PCDHGA3: variants seen among roughly 807,000 people sequenced by gnomAD.
PCDHGA3 encodes protocadherin gamma-A3.
In PCDHGA3, 40 loss-of-function variants were observed where a neutral mutation model predicts 58.5. That is an observed-to-expected ratio of 0.68 (90% CI 0.53 to 0.89). PCDHGA3 has a LOEUF of 0.89. PCDHGA3 is among the 40% of genes least tolerant of loss of function. The pLI, the probability that PCDHGA3 is intolerant of heterozygous loss-of-function variation, is 0.00. For synonymous variants in PCDHGA3, 530 were observed against 525.7 expected (o/e 1.01, Z -0.11); for missense variants, 1,223 against 1,195.9 (o/e 1.02, Z -0.33).
intron 1 of PCDHGA3, chr5:141,387,572 T>C (rs369703788): frequency 1.9e-4 from 92 of 480,688 alleles, no homozygotes; most frequent in Non-Finnish European, 2.3e-4. Flanking sequence ...CAATTATAAT[T>C]ATTGCACTGG....
At position 141,431,258 on chromosome 5, in the gene PCDHGA3, C is replaced by G. The variant is rs754250241; in HGVS notation, c.2425-63549C>G. 6.2e-6 allele frequency: 10 copies of G among 1,614,186 alleles called. No individual in the cohort carries two copies. The highest frequency in any genetic ancestry group is 1.6e-4 in the Middle Eastern group (1 of 6,062). ...GGATCCGGATATCGGGAAGAACTCT[C>G]TGCAGAGCTACGAGCTCAGCCCGAA... On this transcript the variant is annotated intron_variant, in intron 1 of 3. Transcript: ENST00000253812. This position sits in a 1 kb window ranked among gnomAD's most constrained non-coding sequence, Gnocchi z 4.8.
chr5:141,388,637 T>G (rs993746447), intron 1 of PCDHGA3: 1 of 1,613,762 alleles, frequency 6.2e-7, no homozygotes, highest in Non-Finnish European at 8.5e-7. Context: ...GGGTGAGCCT[T>G]TCAGAAAACG....
At chr5:141,357,358 C>G in intron 1 of PCDHGA3, 1 of 1,614,172 alleles carries the variant, frequency 6.2e-7, no homozygotes, top group Non-Finnish European at 8.5e-7. Flanking sequence ...GAGACGCTGG[C>G]ACAAGTCACG....
chr5:141,414,648 T>G (rs2095770464), intron 1 of PCDHGA3: 2 of 1,613,844 alleles, frequency 1.2e-6, no homozygotes, highest in Non-Finnish European at 1.7e-6. Context: ...ATGCCCAGAT[T>G]ATTTACTCCC....
At chr5:141,413,202 G>T (rs768256888) in intron 1 of PCDHGA3, 19 of 1,612,062 alleles carry the variant, frequency 1.2e-5, no homozygotes, top group Non-Finnish European at 1.6e-5. Flanking sequence ...ATCGCTCAAA[G>T]GAATCAAAGG....
chr5:141,398,051 C>T, intron 1 of PCDHGA3: 1 of 1,512,220 alleles, frequency 6.6e-7, no homozygotes, highest in Non-Finnish European at 8.9e-7. Flanking sequence ...GTTCGGAGAT[C>T]CAAAAATCTA....
intron 1 of PCDHGA3, chr5:141,352,714 G>T (rs776520585): frequency 6.5e-7 from 1 of 1,540,668 alleles, no homozygotes; most frequent in Admixed American, 2.0e-5. Flanking sequence ...TGGCGGCCGG[G>T]CGCGGTGGCT....
intron 1 of PCDHGA3, among the ~76,000 whole-genome samples, chr5:141,459,324 T>G (rs2098966238): frequency 6.6e-6 from 1 of 152,226 alleles, no homozygotes; most frequent in African/African-American, 2.4e-5. Flanking sequence ...ATCCATCTTC[T>G]TTTACTCCAA....
In PCDHGA3 at chr5:141,345,383, C is replaced by A. The variant is rs763946038; in HGVS notation, c.1350C>A (p.Pro450=). The A allele has an allele frequency of 4.3e-6, 7 of 1,614,114 alleles. No homozygotes were observed. Among genetic ancestry groups the A allele is most frequent in the Non-Finnish European group, 5.1e-6 (6 of 1,180,034 alleles). The change falls in exon 1 of 4, where the codon CCC becomes CCA. Residue 450 remains proline, a synonymous_variant. Coordinates refer to ENST00000253812, the MANE Select transcript of PCDHGA3 (RefSeq NM_018916.4). ...TGATTGACATCAATGACAACCCACC[C>A]ACCTTCCCTCATTTATCCTACTCCG... ...LHVIDINDNP[P]TFPHLSYSAY... is the part of the protein sequence containing the mutation.
chr5:141,393,259 G>C (rs1561641378), intron 1 of PCDHGA3: 1 of 1,613,874 alleles, frequency 6.2e-7, no homozygotes, highest in Admixed American at 1.7e-5. Flanking sequence ...GCGGTTCCTG[G>C]AGCACGTTAT....
intron 1 of PCDHGA3, among the ~76,000 whole-genome samples, chr5:141,445,711 G>A (rs978623618): frequency 1.3e-5 from 2 of 152,202 alleles, no homozygotes; most frequent in African/African-American, 4.8e-5. Context: ...TTGTCAGGCA[G>A]AGGAAATAGC....
chr5:141,410,455 T>G (rs2095396076), intron 1 of PCDHGA3: 3 of 1,613,914 alleles, frequency 1.9e-6, no homozygotes, highest in African/African-American at 2.7e-5. Flanking sequence ...TGCCTTATTC[T>G]TATAATCTGT....
intron 1 of PCDHGA3, among the ~76,000 whole-genome samples, chr5:141,439,190 C>CAAA (rs200519543): frequency 1.8e-5 from 2 of 111,760 alleles, no homozygotes; most frequent in African/African-American, 6.3e-5. Context: ...GAGACTCTGA[C>CAAA]AAAAAAAAAA....
chr5:141,491,980 C>A lies in PCDHGA3; in HGVS notation c.2425-2827C>A. On this transcript the variant is annotated intron_variant, in intron 1 of 3. Coordinates refer to ENST00000253812, the MANE Select transcript of PCDHGA3 (RefSeq NM_018916.4). This position sits in a 1 kb window ranked among gnomAD's most constrained non-coding sequence, Gnocchi z 6.9. ...AAAAAAGGCCGGGGCCTCCTTCGAGCTTCCGGTGAATTTCGGGCGATTTCC... is the reference window on the plus strand; with the variant it reads ...AAAAAAGGCCGGGGCCTCCTTCGAGATTCCGGTGAATTTCGGGCGATTTCC... 1.3e-6 allele frequency: 1 copy of A among 784,426 alleles called. No homozygotes were observed. Among genetic ancestry groups the A allele is most frequent in the Non-Finnish European group, 1.9e-6 (1 of 530,582 alleles). The allele number at this position is 784,426 out of a possible 1,614,324, so 48.6% of individuals were successfully genotyped here.
chr5:141,420,826 C>G (rs1246534925), intron 1 of PCDHGA3, among the ~76,000 whole-genome samples: 1 of 152,216 alleles, frequency 6.6e-6, no homozygotes, highest in Non-Finnish European at 1.5e-5. Flanking sequence ...AATAATTACT[C>G]CTTTCGCAGG....
At chr5:141,410,041 G>A (rs763879404) in intron 1 of PCDHGA3, 2 of 1,613,228 alleles carry the variant, frequency 1.2e-6, no homozygotes, top group East Asian at 2.2e-5. Flanking sequence ...AGGCCAGTGA[G>A]CCCGGACTCT....
chr5:141,476,912 G>A lies in PCDHGA3; in HGVS notation c.2425-17895G>A, dbSNP rs1196222770. 1.9e-6 allele frequency: 3 copies of A among 1,614,098 alleles called. No homozygotes were observed. Among genetic ancestry groups the A allele is most frequent in the Non-Finnish European group, 2.5e-6 (3 of 1,180,048 alleles). On this transcript the variant is annotated intron_variant, in intron 1 of 3. Coordinates refer to ENST00000253812, the MANE Select transcript of PCDHGA3 (RefSeq NM_018916.4). The surrounding 1 kb of genome is among the most constrained non-coding windows in gnomAD (Gnocchi z 7.6). Reference sequence around the variant, plus strand: ...ACCCTCCGGCACGCGCGTGGTACAAGTCCTTGCAACGGATCTGGATGAAGG... The same window carrying A: ...ACCCTCCGGCACGCGCGTGGTACAAATCCTTGCAACGGATCTGGATGAAGG...
In PCDHGA3 at chr5:141,487,844, A is replaced by T; in HGVS notation, c.2425-6963A>T. The T allele has an allele frequency of 1.9e-6, 2 of 1,043,194 alleles. No individual in the cohort carries two copies. The highest frequency in any genetic ancestry group is 2.7e-6 in the Non-Finnish European group (2 of 730,908). The allele number at this position is 1,043,194 out of a possible 1,614,324, so 64.6% of individuals were successfully genotyped here. ...CGGGTCATGCCTATATCTGAGTAAG[A>T]AATGAAAGTAATTGGTGATCAAGAG... On this transcript the variant is annotated intron_variant, in intron 1 of 3. Transcript: ENST00000253812. This position sits in a 1 kb window ranked among gnomAD's most constrained non-coding sequence, Gnocchi z 5.0.
rs183257097 is a variant in PCDHGA3 at position 141,389,274 on chromosome 5, C to G, written c.2424+42817C>G. 189 of 1,614,032 alleles carry G rather than the reference C, an allele frequency of 1.2e-4. 1 individual carries two copies. In the East Asian group the frequency reaches 4.2e-3, roughly 36 times the overall value. On this transcript the variant is annotated intron_variant, in intron 1 of 3. Coordinates refer to ENST00000253812, the MANE Select transcript of PCDHGA3 (RefSeq NM_018916.4). ...TATAGTCCACGTGGCCGAGAACAACCCGCCTGGAGCCTCTATTTCACAAGT... is the reference window on the plus strand; with the variant it reads ...TATAGTCCACGTGGCCGAGAACAACGCGCCTGGAGCCTCTATTTCACAAGT...
Sources: gnomAD v4.1 joint callset for allele counts (sites outside exome capture counted in the v4.1 genomes callset) on GRCh38, gnomAD v4.1.1 for gene constraint, Gnocchi (gnomAD v3.1) non-coding constraint, MANE v1.5 for transcripts, NCBI Gene and HGNC (gene_info 2026-07-23, HGNC 2026-07-21) for gene names.